Variants in ARID4B observed in about 807,000 individuals in gnomAD.
ARID4B encodes AT-rich interaction domain 4B.
In ARID4B, 26 loss-of-function variants were observed where a neutral mutation model predicts 147.5. The observed-to-expected ratio is 0.18, with a 90% CI of 0.13 to 0.24. ARID4B has a LOEUF of 0.24. Among genes scored for constraint, ARID4B ranks in the 10% least tolerant of loss-of-function variants. The pLI, the probability that ARID4B is intolerant of heterozygous loss-of-function variation, is 1.00. For missense variants in ARID4B, 1,179 were observed against 1,511.5 expected (o/e 0.78, Z 3.65); for synonymous variants, 512 against 507.9 (o/e 1.01, Z -0.11).
intron 23 of ARID4B, among the ~76,000 whole-genome samples, chr1:235,170,764 T>C (rs912502328): frequency 1.3e-5 from 2 of 151,340 alleles, no homozygotes; most frequent in South Asian, 2.1e-4. Context: ...ATTACAAAAA[T>C]TAGCTGGGCA....
chr1:235,199,810 T>A (rs1199271805), intron 17 of ARID4B, among the ~76,000 whole-genome samples: 1 of 152,124 alleles, frequency 6.6e-6, no homozygotes, highest in African/African-American at 2.4e-5. Context: ...CAAAACCTAA[T>A]GAGACGTTAA....
At chr1:235,323,040 CTT>C (rs779535005) in intron 2 of ARID4B, among the ~76,000 whole-genome samples, 5,566 of 139,160 alleles carry the variant, frequency 0.04, 394 homozygotes, top group African/African-American at 0.14. Context: ...ATATAACCAC[CTT>C]TTTTTTTTTT....
At chr1:235,315,702 G>C (rs1007033628) in intron 2 of ARID4B, among the ~76,000 whole-genome samples, 16 of 152,108 alleles carry the variant, frequency 1.1e-4, no homozygotes, top group African/African-American at 3.9e-4. Context: ...CATTAATCTG[G>C]AAAGACATTA....
Position 235,213,861 on chromosome 1 carries a change from T to G in ARID4B, c.1749A>C (p.Lys583Asn). ...MKVQVRYGRG[K>N]NQKMYEASIK... ...TACTAGCTTCATACATTTTTTGATTTTTCCCTCGTCCATACCGCACTTGGA... is the reference window on the plus strand; with the variant it reads ...TACTAGCTTCATACATTTTTTGATTGTTCCCTCGTCCATACCGCACTTGGA... Residue 583 changes from lysine to asparagine, a missense_variant, in exon 17 of 24, where the codon AAA becomes AAC. Coordinates refer to ENST00000264183, the MANE Select transcript of ARID4B (RefSeq NM_016374.6). The G allele has an allele frequency of 6.2e-7, 1 of 1,614,134 alleles. No homozygotes were observed. Among genetic ancestry groups the G allele is most frequent in the Non-Finnish European group, 8.5e-7 (1 of 1,180,018 alleles).
At chr1:235,287,568 C>A (rs1323283895) in intron 2 of ARID4B, among the ~76,000 whole-genome samples, 2 of 152,212 alleles carry the variant, frequency 1.3e-5, no homozygotes, top group South Asian at 2.1e-4. Context: ...ACATGCATCA[C>A]ATCAAGCAAA....
chr1:235,290,923 G>GT (rs1672293689), intron 2 of ARID4B, among the ~76,000 whole-genome samples: 1 of 152,154 alleles, frequency 6.6e-6, no homozygotes, highest in Non-Finnish European at 1.5e-5. Context: ...TAGTGCTACC[G>GT]TGTCTGTACA....
chr1:235,290,126 G>A (rs1308470140), intron 2 of ARID4B, among the ~76,000 whole-genome samples: 2 of 152,012 alleles, frequency 1.3e-5, no homozygotes, highest in African/African-American at 2.4e-5. Flanking sequence ...GGTAAGTTAT[G>A]GGAAAATGTT....
chr1:235,213,676 T>A, intron 17 of ARID4B, 93 bp downstream of exon 17: 2 of 1,352,650 alleles, frequency 1.5e-6, no homozygotes, highest in Non-Finnish European at 2.0e-6. Context: ...ATTAGAATAC[T>A]AATAAATCTG....
chr1:235,212,417 A>T (rs1666774542), intron 17 of ARID4B, among the ~76,000 whole-genome samples: 1 of 152,228 alleles, frequency 6.6e-6, no homozygotes, highest in Non-Finnish European at 1.5e-5. Flanking sequence ...TCCTGATTAG[A>T]CATAATAAAG....
intron 3 of ARID4B, 56 bp downstream of exon 3, chr1:235,260,586 A>G (rs957844643): frequency 2.3e-6 from 3 of 1,332,126 alleles, no homozygotes; most frequent in Non-Finnish European, 3.1e-6. Flanking sequence ...TCACCAAATA[A>G]AAGTTTACAT....
intron 21 of ARID4B, chr1:235,177,034 T>C: frequency 4.5e-6 from 2 of 442,038 alleles, no homozygotes; most frequent in Non-Finnish European, 4.7e-6. Context: ...GTTGCTAAAG[T>C]TGGAGCATAC....
At chr1:235,185,381 A>G (rs576230534) in intron 19 of ARID4B, among the ~76,000 whole-genome samples, 39 of 152,140 alleles carry the variant, frequency 2.6e-4, no homozygotes, top group Non-Finnish European at 4.4e-4. Flanking sequence ...CTTTTACATT[A>G]TTTTATTTCA....
intron 2 of ARID4B, among the ~76,000 whole-genome samples, chr1:235,270,326 C>T (rs1037415407): frequency 6.6e-6 from 1 of 152,072 alleles, no homozygotes; most frequent in African/African-American, 2.4e-5. Flanking sequence ...TCAACCCCTT[C>T]CCAAAACACG....
chr1:235,237,047 A>AT (rs1668657281), intron 8 of ARID4B, among the ~76,000 whole-genome samples: 1 of 134,068 alleles, frequency 7.5e-6, no homozygotes, highest in South Asian at 2.5e-4. Flanking sequence ...AAATTTTTCC[A>AT]TTTTTAGTAC....
chr1:235,179,890 G>A (rs10924142), intron 20 of ARID4B, among the ~76,000 whole-genome samples: 6,090 of 151,630 alleles, frequency 0.04, 458 homozygotes, highest in African/African-American at 0.14. Flanking sequence ...CTAACATGGC[G>A]AAATGCCATC....
chr1:235,325,462 TAAG>T (rs761695885), intron 2 of ARID4B, among the ~76,000 whole-genome samples: 84 of 152,116 alleles, frequency 5.5e-4, no homozygotes, highest in Non-Finnish European at 1.1e-3. Context: ...ATAGAGCACC[TAAG>T]AAGTGACAAG....
At chr1:235,194,529 TAA>T (rs535673212) in intron 18 of ARID4B, among the ~76,000 whole-genome samples, 1 of 151,948 alleles carries the variant, frequency 6.6e-6, no homozygotes, top group African/African-American at 2.4e-5. Flanking sequence ...AAATACTAAC[TAA>T]AAAAAGAGGC....
chr1:235,169,218 T>A (rs1424752392), intron 23 of ARID4B, among the ~76,000 whole-genome samples: 1 of 151,982 alleles, frequency 6.6e-6, no homozygotes, highest in Admixed American at 6.6e-5. Context: ...TCTCTCACTG[T>A]TTCCTTTTTT....
chr1:235,239,265 C>T (rs1466039800), intron 8 of ARID4B, among the ~76,000 whole-genome samples: 1 of 152,120 alleles, frequency 6.6e-6, no homozygotes, highest in Non-Finnish European at 1.5e-5. Context: ...AGCCACCACA[C>T]CCCAGCCAAG....
Sources: gnomAD v4.1 joint callset for allele counts (sites outside exome capture counted in the v4.1 genomes callset) on GRCh38, gnomAD v4.1.1 for gene constraint, MANE v1.5 for transcripts, NCBI Gene and HGNC (gene_info 2026-07-23, HGNC 2026-07-21) for gene names.